The following SMG6 variants were observed in gnomAD, a reference collection of about 807,000 sequenced individuals.
The protein encoded by SMG6 is telomerase-binding protein EST1A.
SMG6 carries 66 observed loss-of-function variants against 142.2 expected under a neutral mutation model. That is an observed-to-expected ratio of 0.46 (90% confidence interval 0.38 to 0.57). The LOEUF (loss-of-function observed/expected upper bound fraction) is 0.57, where lower values mean the gene tolerates loss of function less well. Among genes scored for constraint, SMG6 ranks in the 20% least tolerant of loss-of-function variants. SMG6 has a pLI of 0.00. For synonymous variants in SMG6, 779 were observed against 702.4 expected, an observed-to-expected ratio of 1.11 and a Z score of -1.72; for missense variants, 1,793 against 1,832.0, an observed-to-expected ratio of 0.98 and a Z score of 0.39.
intron 9 of SMG6, among the ~76,000 whole-genome samples, chr17:2,238,192 G>A (rs1471716920): frequency 6.6e-6 from 1 of 152,084 alleles, no homozygotes; most frequent in Non-Finnish European, 1.5e-5. Context: ...CTGACCCCCT[G>A]GTGCCCAGAA....
At chr17:2,105,500 G>A (rs546503640) in intron 13 of SMG6, among the ~76,000 whole-genome samples, 188 of 152,080 alleles carry the variant, frequency 1.2e-3, no homozygotes, top group African/African-American at 4.2e-3. Flanking sequence ...CCAAGACCGC[G>A]CCACTGCACT....
chr17:2,143,358 C>T (rs1010476009), intron 13 of SMG6, among the ~76,000 whole-genome samples: 1 of 151,950 alleles, frequency 6.6e-6, no homozygotes, highest in Non-Finnish European at 1.5e-5. Flanking sequence ...AATGGATAAA[C>T]AAATGTGGAA....
At chr17:2,097,401 G>T (rs920716209) in intron 13 of SMG6, among the ~76,000 whole-genome samples, 2 of 152,084 alleles carry the variant, frequency 1.3e-5, no homozygotes, top group African/African-American at 4.8e-5. Context: ...CTCCCAAAGT[G>T]CTGGGATGAT....
chr17:2,255,856 T>G (rs1376371785), intron 8 of SMG6: 1 of 236,644 alleles, frequency 4.2e-6, no homozygotes, highest in African/African-American at 2.4e-5. Flanking sequence ...TTCTTCTGCC[T>G]TGGGATGCTG....
intron 10 of SMG6, 38 bp downstream of exon 10, chr17:2,236,454 T>A (rs755236815): frequency 6.3e-7 from 1 of 1,591,318 alleles, no homozygotes. Context: ...AATCTCTATC[T>A]GTCTATATTC....
chr17:2,298,826 T>C (rs2075202924), intron 2 of SMG6, 80 bp downstream of exon 2: 1 of 1,396,050 alleles, frequency 7.2e-7, no homozygotes, highest in Non-Finnish European at 9.7e-7. Context: ...CTAAAAAGTT[T>C]CTACCTTCCT....
rs1047318485 is a variant in SMG6, at chr17:2,097,152, TTTC to T, written c.3358-11254_3358-11252del. On this transcript the variant is annotated intron_variant, in intron 13 of 18. Transcript: ENST00000263073. Reference sequence around the variant, plus strand: ...CATTGAAGAAATATATAATTTTTCTTTTCTTTTCTTTTTTTTTTTTAGACAGGG... The same window carrying T: ...CATTGAAGAAATATATAATTTTTCTTTTTTCTTTTTTTTTTTTAGACAGGG... Among the ~76,000 whole-genome samples, 39 of 152,018 alleles carry T rather than the reference TTTC, an allele frequency of 2.6e-4. 1 individual carries two copies. The highest frequency in any genetic ancestry group is 9.2e-4 in the African/African-American group (38 of 41,394).
chr17:2,120,826 G>C (rs1947785220), intron 13 of SMG6, among the ~76,000 whole-genome samples: 1 of 152,184 alleles, frequency 6.6e-6, no homozygotes, highest in Non-Finnish European at 1.5e-5. Context: ...AAGAGGATGT[G>C]AAGCAATGGG....
At chr17:2,194,472 A>C (rs1002179132) in intron 10 of SMG6, among the ~76,000 whole-genome samples, 4 of 152,228 alleles carry the variant, frequency 2.6e-5, no homozygotes, top group Non-Finnish European at 4.4e-5. Context: ...TTATAATGCC[A>C]AGTAAGGGTA....
chr17:2,244,691 A>T lies in SMG6; in HGVS notation c.2690T>A (p.Leu897His). 1 of 1,614,104 alleles carries T rather than the reference A, an allele frequency of 6.2e-7. No homozygotes were observed. Residue 897 changes from leucine to histidine, a missense_variant, in exon 9 of 19, where the codon CTC becomes CAC. Coordinates refer to ENST00000263073, the MANE Select transcript of SMG6 (RefSeq NM_017575.5). Reference sequence around the variant, plus strand: ...GGTAAACAGCTTCCCATGGGCATGGAGAAAACTGAGGATGAACCTTTTGTT... The same window carrying T: ...GGTAAACAGCTTCCCATGGGCATGGTGAAAACTGAGGATGAACCTTTTGTT... ...DLNKRFILSF[L>H]HAHGKLFTRI... is the part of the protein sequence containing the mutation.
At chr17:2,089,260 G>A (rs562926165) in intron 13 of SMG6, among the ~76,000 whole-genome samples, 1 of 152,264 alleles carries the variant, frequency 6.6e-6, no homozygotes, top group East Asian at 1.9e-4. Context: ...TCCTCCAGAG[G>A]AGAAAGAGCT....
At chr17:2,237,380 A>T (rs2073692513) in intron 9 of SMG6, 2 of 415,338 alleles carry the variant, frequency 4.8e-6, no homozygotes, top group African/African-American at 2.2e-5. Context: ...AAGATATTTT[A>T]CCCAAGCGTT....
intron 12 of SMG6, among the ~76,000 whole-genome samples, chr17:2,179,359 G>A (rs2071739331): frequency 6.6e-6 from 1 of 152,184 alleles, no homozygotes; most frequent in Non-Finnish European, 1.5e-5. Flanking sequence ...CCCTATGAAG[G>A]TGAGTGAACT....
Position 2,255,429 on chromosome 17 carries a change from A to AAAAAAAG in SMG6, c.2662-10711_2662-10710insCTTTTTT, listed in dbSNP as rs1567722251. On this transcript the variant is annotated intron_variant, in intron 8 of 18. Transcript: ENST00000263073. ...AAAAAAAAAAAAAAAAAAAAAAAAA[A>AAAAAAAG]GAATGTGATCTTCATTAAAGCCACT... is the stretch of plus-strand genomic sequence containing the variant. Among the ~76,000 whole-genome samples, 3 of 137,792 alleles carry AAAAAAAG rather than the reference A, an allele frequency of 2.2e-5. 1 individual carries two copies. Among genetic ancestry groups the AAAAAAAG allele is most frequent in the African/African-American group, 5.6e-5 (2 of 35,412 alleles). 90.4% of individuals were successfully genotyped at this position (137,792 alleles called of 152,430 possible).
chr17:2,251,268 T>TA lies in SMG6; in HGVS notation c.2662-6550dup, dbSNP rs777571597. ...ATTCCTCTTTCCAGGATATACAGAT[T>TA]AAAAAAAAAAAAAAGCACGGGAAAA... On this transcript the variant is annotated intron_variant, in intron 8 of 18. Coordinates refer to ENST00000263073, the MANE Select transcript of SMG6 (RefSeq NM_017575.5). Among the ~76,000 whole-genome samples, 261 of 136,492 alleles carry TA rather than the reference T, an allele frequency of 1.9e-3. 2 individuals are homozygous for TA. The highest frequency in any genetic ancestry group is 0.015 in the Middle Eastern group (4 of 268). 89.5% of individuals were successfully genotyped at this position (136,492 alleles called of 152,430 possible).
chr17:2,084,718 C>T (rs1597359831), intron 14 of SMG6, among the ~76,000 whole-genome samples: 1 of 152,240 alleles, frequency 6.6e-6, no homozygotes, highest in South Asian at 2.1e-4. Context: ...TGGCTAGAAT[C>T]GCTTCCGTCC....
Position 2,299,710 on chromosome 17 carries a change from C to A in SMG6, c.1043G>T (p.Gly348Val). 6 of 1,614,180 alleles carry A rather than the reference C, an allele frequency of 3.7e-6. No homozygotes were observed. The highest frequency in any genetic ancestry group is 5.1e-6 in the Non-Finnish European group (6 of 1,180,038). ...EQKNSAKEYR[G>V]TLRVTFDAEA... ...TGCATCGAAAGTGACACGAAGAGTG[C>A]CTCGATATTCTTTAGCACTGTTTTT... The change falls in exon 2 of 19, where the codon GGC (glycine) becomes GTC (valine). Residue 348 changes from glycine (G) to valine (V), a missense_variant. Gly to Val is a moderately radical substitution (Grantham distance 109). Around this residue, in one of 3 missense-constraint regions of SMG6, gnomAD observed 1,597 missense variants for 1,584.6 expected, o/e 1.01. Coordinates refer to ENST00000263073, the MANE Select transcript of SMG6 (RefSeq NM_017575.5). The surrounding 1 kb of genome is among the most constrained non-coding windows in gnomAD (Gnocchi z 4.3).
At chr17:2,275,960 C>G (rs1458995002) in intron 8 of SMG6, among the ~76,000 whole-genome samples, 1 of 152,188 alleles carries the variant, frequency 6.6e-6, no homozygotes, top group Non-Finnish European at 1.5e-5. Flanking sequence ...TGGCAGAGAA[C>G]AGACTAGTTG....
intron 10 of SMG6, among the ~76,000 whole-genome samples, chr17:2,229,638 T>G (rs1367293235): frequency 6.6e-6 from 1 of 152,208 alleles, no homozygotes; most frequent in African/African-American, 2.4e-5. Context: ...TAAAGTGTCA[T>G]CATGTATTAG....
Sources: gnomAD v4.1 joint callset for allele counts (sites outside exome capture counted in the v4.1 genomes callset) on GRCh38, gnomAD v4.1.1 for gene constraint, gnomAD v4.1.1 regional missense constraint, Gnocchi (gnomAD v3.1) non-coding constraint, MANE v1.5 for transcripts, NCBI Gene and HGNC (gene_info 2026-07-23, HGNC 2026-07-21) for gene names.